The following MEGF6 variants were observed in gnomAD, a reference collection of about 807,000 sequenced individuals.
MEGF6 encodes multiple epidermal growth factor-like domains protein 6.
In MEGF6, 184 loss-of-function variants were observed where a neutral mutation model predicts 207.1. The observed-to-expected ratio is 0.89, with a 90% confidence interval of 0.79 to 1.00. The LOEUF is 1.00. Ranked by LOEUF, MEGF6 falls within the 50% of genes least tolerant of loss-of-function variation. MEGF6 has a pLI of 0.00. For synonymous variants in MEGF6, 1,038 were observed against 910.0 expected (o/e 1.14, Z -2.53); for missense variants, 2,282 against 2,202.9 (o/e 1.04, Z -0.72).
chr1:3,546,319 G>T (rs1033308300), intron 4 of MEGF6, among the ~76,000 whole-genome samples: 6 of 152,234 alleles, frequency 3.9e-5, no homozygotes, highest in Non-Finnish European at 7.3e-5. Context: ...CTTAGAGCTC[G>T]CAAACGCTTC....
chr1:3,615,086 T>C (rs1644366708), upstream of MEGF6, among the ~76,000 whole-genome samples: 1 of 152,254 alleles, frequency 6.6e-6, no homozygotes. Context: ...AAAATTACAC[T>C]GATAATTCCC....
At chr1:3,575,665 AGC>A (rs762398159) in intron 4 of MEGF6, among the ~76,000 whole-genome samples, 7 of 151,028 alleles carry the variant, frequency 4.6e-5, no homozygotes, top group Non-Finnish European at 1.0e-4. Flanking sequence ...AAAGAGAGAG[AGC>A]TTGTGCGGGG....
chr1:3,500,690 C>T lies in MEGF6; in HGVS notation c.2650G>A (p.Ala884Thr), dbSNP rs376933140. Residue 884 changes from alanine (A) to threonine (T), a missense_variant, in exon 21 of 37, where the codon GCC becomes ACC. Transcript: ENST00000356575. ...TCACACAGACACAGGCCGCTGATGG[C>T]ATCACAGCTCCCGTGGCCAGCGCTG... ...NCSAGHGSCD[A>T]ISGLCLCEAG... is the part of the protein sequence containing the mutation. 2.5e-6 allele frequency: 4 copies of T among 1,581,066 alleles called. No individual in the cohort carries two copies. In the African/African-American group the frequency reaches 5.4e-5, roughly 21 times the overall value.
chr1:3,553,039 A>C (rs1642932225), intron 4 of MEGF6, among the ~76,000 whole-genome samples: 1 of 152,098 alleles, frequency 6.6e-6, no homozygotes, highest in Non-Finnish European at 1.5e-5. Context: ...CCTAGCTGCC[A>C]CTAGGGCTGG....
intron 4 of MEGF6, among the ~76,000 whole-genome samples, chr1:3,558,125 G>A (rs1422111047): frequency 2.6e-5 from 4 of 152,144 alleles, no homozygotes; most frequent in Admixed American, 2.0e-4. Flanking sequence ...CTCACTGCCT[G>A]CAGGACACAC....
chr1:3,509,297 A>G, intron 11 of MEGF6, 52 bp from the exon 12 acceptor site: 1 of 1,380,602 alleles, frequency 7.2e-7, no homozygotes, highest in Non-Finnish European at 9.4e-7. Context: ...TGCCTGCTCC[A>G]GCGACCCCCC....
At chr1:3,551,924 T>C (rs779903774) in intron 4 of MEGF6, among the ~76,000 whole-genome samples, 4 of 152,198 alleles carry the variant, frequency 2.6e-5, no homozygotes, top group Non-Finnish European at 5.9e-5. Context: ...CTCCCTCTGG[T>C]GCCTCTGTTC....
At chr1:3,558,667 G>A (rs1460963871) in intron 4 of MEGF6, among the ~76,000 whole-genome samples, 1 of 152,224 alleles carries the variant, frequency 6.6e-6, no homozygotes, top group Non-Finnish European at 1.5e-5. Flanking sequence ...ACTGCGTTAG[G>A]GATAAAAATC....
rs554614744 is a variant in MEGF6, at chr1:3,556,956, G to A, written c.481+22869C>T. Among the ~76,000 whole-genome samples the A allele has an allele frequency of 2.4e-3, 373 of 152,340 alleles. No individual in the cohort carries two copies. Among genetic ancestry groups the A allele is most frequent in the Admixed American group, 5.2e-3 (80 of 15,300 alleles). On this transcript the variant is annotated intron_variant, in intron 4 of 36. Coordinates refer to ENST00000356575, the MANE Select transcript of MEGF6 (RefSeq NM_001409.4). This position sits in a 1 kb window ranked among gnomAD's most constrained non-coding sequence, Gnocchi z 4.4. ...AAGCCGATCCCGGCTTATCTGGGGGGCCTGGTGGAATCACATGGAGTTTCA... is the reference window on the plus strand; with the variant it reads ...AAGCCGATCCCGGCTTATCTGGGGGACCTGGTGGAATCACATGGAGTTTCA...
the MEGF6 span, among the ~76,000 whole-genome samples, chr1:3,617,836 G>A: frequency 6.6e-6 from 1 of 152,170 alleles, no homozygotes; most frequent in Non-Finnish European, 1.5e-5. Flanking sequence ...CCGAGGCGAT[G>A]TGTCCATGAG....
chr1:3,608,101 G>A (rs1446090138), intron 1 of MEGF6, among the ~76,000 whole-genome samples: 2 of 152,014 alleles, frequency 1.3e-5, no homozygotes, highest in Admixed American at 6.5e-5. Flanking sequence ...ACGGCCTCGC[G>A]CTTATTTTTA....
chr1:3,500,559 G>C, intron 21 of MEGF6, 74 bp downstream of exon 21: 2 of 1,473,062 alleles, frequency 1.4e-6, no homozygotes, highest in African/African-American at 2.8e-5. Flanking sequence ...AAGGCTTTGT[G>C]TGTGTGCACG....
chr1:3,499,054 C>A (rs950041241), intron 24 of MEGF6, 84 bp downstream of exon 24: 6 of 1,536,132 alleles, frequency 3.9e-6, no homozygotes, highest in Middle Eastern at 2.3e-4. Context: ...CCCCCAGGCA[C>A]CAAGTGTCCT....
At chr1:3,506,976 C>A (rs866597410) in intron 14 of MEGF6, among the ~76,000 whole-genome samples, 5 of 152,216 alleles carry the variant, frequency 3.3e-5, no homozygotes, top group Non-Finnish European at 7.3e-5. Context: ...GGGTACAGCA[C>A]GATCCCAGGG....
At chr1:3,520,974 G>A (rs1641725151) in intron 5 of MEGF6, among the ~76,000 whole-genome samples, 1 of 152,154 alleles carries the variant, frequency 6.6e-6, no homozygotes, top group African/African-American at 2.4e-5. Flanking sequence ...GGAAGGAAGG[G>A]TGGATTTTTA....
At chr1:3,498,265 C>T (rs1640695635) in intron 26 of MEGF6, 106 bp downstream of exon 26, 1 of 1,380,140 alleles carries the variant, frequency 7.2e-7, no homozygotes, top group South Asian at 1.4e-5. Context: ...CAACAGGTCC[C>T]CTGGTGAGGC....
chr1:3,594,485 G>A lies in MEGF6; in HGVS notation c.376+853C>T, dbSNP rs758690239. On this transcript the variant is annotated intron_variant, in intron 3 of 36. Transcript: ENST00000356575. This position sits in a 1 kb window ranked among gnomAD's most constrained non-coding sequence, Gnocchi z 4.2. ...AAATGTGGGGAGTGCGTGACTCCCGGCCACACTCCACGGCGCAGCCTGTCC... is the reference window on the plus strand; with the variant it reads ...AAATGTGGGGAGTGCGTGACTCCCGACCACACTCCACGGCGCAGCCTGTCC... 9.2e-5 allele frequency among the ~76,000 whole-genome samples: 14 copies of A among 152,160 alleles called. No homozygotes were observed. The highest frequency in any genetic ancestry group is 1.9e-4 in the Non-Finnish European group (13 of 68,034).
chr1:3,586,395 GTGTGCCAATC>G (rs1181171235), intron 3 of MEGF6, among the ~76,000 whole-genome samples: 1 of 152,222 alleles, frequency 6.6e-6, no homozygotes, highest in Non-Finnish European at 1.5e-5. Context: ...ATGCGTGTGT[GTGTGCCAATC>G]TGTGCAAGGC....
At position 3,498,439 on chromosome 1, in the gene MEGF6, C is replaced by A. The variant is rs747385540; in HGVS notation, c.3284G>T (p.Gly1095Val). ...GCGGCCCGTGTGCGGGTCACACAGG[C>A]CCCCGTTGAGGCAACCGCCGCTGTG... is the stretch of plus-strand genomic sequence containing the variant. ...CRHSGGCLNG[G>V]LCDPHTGRCL... The change falls in exon 26 of 37, where the codon GGC (glycine) becomes GTC (valine). Residue 1095 changes from glycine to valine, a missense_variant. Physicochemically the swap from Gly to Val is moderately radical, Grantham distance 109. Coordinates refer to ENST00000356575, the MANE Select transcript of MEGF6 (RefSeq NM_001409.4). The A allele has an allele frequency of 2.5e-6, 4 of 1,581,246 alleles. No homozygotes were observed. The East Asian group carries it at 9.2e-5, about 36-fold the overall frequency.
Sources: gnomAD v4.1 joint callset for allele counts (sites outside exome capture counted in the v4.1 genomes callset) on GRCh38, gnomAD v4.1.1 for gene constraint, Gnocchi (gnomAD v3.1) non-coding constraint, MANE v1.5 for transcripts, NCBI Gene and HGNC (gene_info 2026-07-23, HGNC 2026-07-21) for gene names.